The following PTPRZ1 variants were observed in gnomAD, a reference collection of about 807,000 sequenced individuals.
PTPRZ1 encodes receptor-type tyrosine-protein phosphatase zeta.
Under a neutral mutation model 214.1 loss-of-function variants are expected in PTPRZ1, and 82 were observed. The observed-to-expected ratio is 0.38, with a 90% confidence interval of 0.32 to 0.46. The LOEUF is 0.46. Among genes scored for constraint, PTPRZ1 ranks in the 20% least tolerant of loss-of-function variants. The pLI is 1.00. For synonymous variants in PTPRZ1, 945 were observed against 987.9 expected (o/e 0.96, Z 0.81); for missense variants, 2,603 against 2,748.7 (o/e 0.95, Z 1.19).
At chr7:121,909,148 C>T (rs1316887223) in intron 1 of PTPRZ1, among the ~76,000 whole-genome samples, 2 of 152,098 alleles carry the variant, frequency 1.3e-5, no homozygotes, top group African/African-American at 2.4e-5. Flanking sequence ...TTATTTTTAG[C>T]CTAGAATTGT....
intron 13 of PTPRZ1, among the ~76,000 whole-genome samples, chr7:122,026,881 A>T (rs1001835652): frequency 6.6e-6 from 1 of 152,236 alleles, no homozygotes; most frequent in Non-Finnish European, 1.5e-5. Flanking sequence ...AAGTTCATTC[A>T]TCAGAGAAAT....
intron 12 of PTPRZ1, among the ~76,000 whole-genome samples, chr7:122,018,221 A>T (rs1022381890): frequency 2.6e-5 from 4 of 152,172 alleles, no homozygotes. Flanking sequence ...TCTCATGCTC[A>T]GTCATCTTGG....
intron 1 of PTPRZ1, among the ~76,000 whole-genome samples, chr7:121,907,600 A>G (rs979059636): frequency 2.0e-5 from 3 of 151,962 alleles, no homozygotes; most frequent in African/African-American, 7.2e-5. Context: ...AAATATCCTC[A>G]ATTTTTTCAA....
Position 122,044,556 on chromosome 7 carries a change from G to T in PTPRZ1, c.6072G>T (p.Glu2024Asp), listed in dbSNP as rs754717245. 6 of 1,613,500 alleles carry T rather than the reference G, an allele frequency of 3.7e-6. 1 individual carries two copies. In the African/African-American group the frequency reaches 4.0e-5, roughly 11 times the overall value. The change falls in exon 23 of 30, where the codon GAG (glutamate) becomes GAT (aspartate). Residue 2024 changes from glutamate to aspartate, a missense_variant. Coordinates refer to ENST00000393386, the MANE Select transcript of PTPRZ1 (RefSeq NM_002851.3). ...GACCAGCAGGCAAAACAAAGCTAGA[G>T]AAACAATTCCAGGTGAGTCCTCTTG... ...IPGPAGKTKL[E>D]KQFQLLSQSN...
chr7:122,020,378 T>G (rs1798979822), intron 13 of PTPRZ1, among the ~76,000 whole-genome samples: 1 of 152,172 alleles, frequency 6.6e-6, no homozygotes, highest in Non-Finnish European at 1.5e-5. Context: ...AATCTAGTGC[T>G]AAAAGTAGTC....
At chr7:122,015,818 G>A (rs1798826675) in intron 12 of PTPRZ1, among the ~76,000 whole-genome samples, 1 of 151,740 alleles carries the variant, frequency 6.6e-6, no homozygotes, top group Non-Finnish European at 1.5e-5. Context: ...CCACTAATTA[G>A]GATAAAACAA....
chr7:122,013,819 T>C lies in PTPRZ1; in HGVS notation c.4773T>C (p.Pro1591=), dbSNP rs770435788. Residue 1591 remains proline, a synonymous_variant, in exon 12 of 30, where the codon CCT becomes CCC. Transcript: ENST00000393386. ...ILAAGDSEIT[P]GFPQSPTSSV... is the part of the protein sequence containing the mutation. Reference sequence around the variant, plus strand: ...CAGCAGGTGACTCAGAAATAACTCCTGGATTCCCACAGTCCCCAACATCAT... The same window carrying C: ...CAGCAGGTGACTCAGAAATAACTCCCGGATTCCCACAGTCCCCAACATCAT... The C allele has an allele frequency of 1.9e-6, 3 of 1,614,142 alleles. No homozygotes were observed. The highest frequency in any genetic ancestry group is 3.3e-5 in the Admixed American group (2 of 60,018).
At chr7:122,035,797 ATCT>A in intron 17 of PTPRZ1, among the ~76,000 whole-genome samples, 1 of 152,286 alleles carries the variant, frequency 6.6e-6, no homozygotes, top group Non-Finnish European at 1.5e-5. Flanking sequence ...GAAAAGAATA[ATCT>A]TCTCAGTGAA....
At chr7:121,954,120 A>G (rs867289574) in intron 2 of PTPRZ1, among the ~76,000 whole-genome samples, 12 of 152,180 alleles carry the variant, frequency 7.9e-5, no homozygotes, top group African/African-American at 2.9e-4. Context: ...CCTAGTTTAG[A>G]TCCGTAATAA....
chr7:122,054,973 A>G lies in PTPRZ1; in HGVS notation c.6414A>G (p.Lys2138=). 1.2e-6 allele frequency: 2 copies of G among 1,605,480 alleles called. No individual in the cohort carries two copies. Among genetic ancestry groups the G allele is most frequent in the Non-Finnish European group, 1.7e-6 (2 of 1,176,244 alleles). ...AEDEFVYWPN[K]DEPINCESFK... is the part of the protein sequence containing the mutation. The stretch of plus-strand genomic sequence containing the variant: ...ATGAATTTGTTTACTGGCCAAATAA[A>G]GATGAGCCTATAAATTGTGAGAGCT... The change falls in exon 27 of 30, where the codon AAA becomes AAG. Residue 2138 remains lysine, a synonymous_variant. Coordinates refer to ENST00000393386, the MANE Select transcript of PTPRZ1 (RefSeq NM_002851.3).
At chr7:121,886,372 C>T (rs1254090025) in intron 1 of PTPRZ1, among the ~76,000 whole-genome samples, 1 of 151,620 alleles carries the variant, frequency 6.6e-6, no homozygotes, top group Admixed American at 6.6e-5. Flanking sequence ...TTTTATATAT[C>T]ATATATGTTC....
chr7:121,882,681 G>A (rs1343899175), intron 1 of PTPRZ1, among the ~76,000 whole-genome samples: 3 of 152,156 alleles, frequency 2.0e-5, no homozygotes, highest in African/African-American at 7.2e-5. Flanking sequence ...ATTTCAGGAA[G>A]ATAACTCAGG....
chr7:121,909,345 C>T (rs1156342503), intron 1 of PTPRZ1, among the ~76,000 whole-genome samples: 1 of 152,146 alleles, frequency 6.6e-6, no homozygotes, highest in Non-Finnish European at 1.5e-5. Flanking sequence ...ACAAGCTAGG[C>T]AGAGCCTGCT....
rs569705327 is a variant in PTPRZ1 at position 121,977,002 on chromosome 7, A to G, written c.619+151A>G. 2.3e-5 allele frequency: 12 copies of G among 514,078 alleles called. No individual in the cohort carries two copies. In the South Asian group the frequency reaches 6.1e-4, roughly 26 times the overall value. The allele number at this position is 514,078 out of a possible 1,614,324, so 31.8% of individuals were successfully genotyped here. Reference sequence around the variant, plus strand: ...TCTCACTTTCCACACTTGATAATTTATACATTTCTCACCAAATAAATAACA... The same window carrying G: ...TCTCACTTTCCACACTTGATAATTTGTACATTTCTCACCAAATAAATAACA... On this transcript the variant is annotated intron_variant, in intron 6 of 29. Coordinates refer to ENST00000393386, the MANE Select transcript of PTPRZ1 (RefSeq NM_002851.3).
intron 1 of PTPRZ1, among the ~76,000 whole-genome samples, chr7:121,896,841 A>G (rs1044449266): frequency 6.6e-6 from 1 of 151,898 alleles, no homozygotes; most frequent in Non-Finnish European, 1.5e-5. Context: ...AAAAATAAAT[A>G]CTGTATGATT....
intron 23 of PTPRZ1, among the ~76,000 whole-genome samples, chr7:122,050,062 T>C (rs1342802900): frequency 6.6e-6 from 1 of 152,136 alleles, no homozygotes; most frequent in Non-Finnish European, 1.5e-5. Context: ...TCTCTACCAC[T>C]CCTCAAACAC....
At chr7:121,877,998 T>C (rs1485842558) in intron 1 of PTPRZ1, among the ~76,000 whole-genome samples, 1 of 151,232 alleles carries the variant, frequency 6.6e-6, no homozygotes, top group East Asian at 1.9e-4. Context: ...TATATACATT[T>C]AAATTGTATT....
intron 2 of PTPRZ1, among the ~76,000 whole-genome samples, chr7:121,965,771 C>T (rs1037000105): frequency 6.6e-6 from 1 of 152,158 alleles, no homozygotes; most frequent in East Asian, 1.9e-4. Flanking sequence ...GGTGGTACTA[C>T]TACAGAATTG....
chr7:121,967,962 C>CA lies in PTPRZ1; in HGVS notation c.143dup (p.Asn48LysfsTer10). 1 of 1,572,232 alleles carries CA rather than the reference C, an allele frequency of 6.4e-7. No homozygotes were observed. The highest frequency in any genetic ancestry group is 8.7e-7 in the Non-Finnish European group (1 of 1,151,378). Reference sequence around the variant, plus strand: ...CTTCTTTTCCCTAGGAGCACTGAATCAAAAAAATTGGGGAAAGAAATATCC... The same window carrying CA: ...CTTCTTTTCCCTAGGAGCACTGAATCAAAAAAAATTGGGGAAAGAAATATCC... On this transcript the variant is annotated frameshift_variant, in exon 3 of 30. Transcript: ENST00000393386. LOFTEE classifies it high-confidence loss of function.
Sources: gnomAD v4.1 joint callset for allele counts (sites outside exome capture counted in the v4.1 genomes callset) on GRCh38, gnomAD v4.1.1 for gene constraint, MANE v1.5 for transcripts, NCBI Gene and HGNC (gene_info 2026-07-23, HGNC 2026-07-21) for gene names.